NSMCE2: variants seen among roughly 807,000 people sequenced by gnomAD.
The protein encoded by NSMCE2 is E3 SUMO-protein ligase NSE2.
A neutral mutation model predicts 23.8 loss-of-function variants in NSMCE2; 24 were observed. That is an observed-to-expected ratio of 1.01 (90% CI 0.73 to 1.42). The LOEUF is 1.42. Among genes scored for constraint, NSMCE2 ranks in the 40% most tolerant of loss-of-function variants. The pLI, the probability that NSMCE2 is intolerant of heterozygous loss-of-function variation, is 0.00. For missense variants in NSMCE2, 284 were observed against 296.5 expected, an observed-to-expected ratio of 0.96 and a Z score of 0.31; for synonymous variants, 92 against 94.1, an observed-to-expected ratio of 0.98 and a Z score of 0.13.
intron 5 of NSMCE2, among the ~76,000 whole-genome samples, chr8:125,272,265 C>T (rs62529123): frequency 0.025 from 3,857 of 152,094 alleles, 80 homozygotes; most frequent in Non-Finnish European, 0.039. Flanking sequence ...CCGCCCGCCT[C>T]AGCCTCCCAA....
chr8:125,200,226 C>A (rs1004535106), intron 5 of NSMCE2, among the ~76,000 whole-genome samples: 1 of 152,140 alleles, frequency 6.6e-6, no homozygotes, highest in Non-Finnish European at 1.5e-5. Context: ...ATGATGTTAG[C>A]TGGTTATTTT....
chr8:125,113,225 C>T (rs943805336), intron 3 of NSMCE2, among the ~76,000 whole-genome samples: 4 of 152,128 alleles, frequency 2.6e-5, no homozygotes, highest in East Asian at 1.9e-4. Context: ...TGGTGGCTCA[C>T]ACCTGTAATC....
intron 5 of NSMCE2, among the ~76,000 whole-genome samples, chr8:125,350,889 T>C (rs1219736709): frequency 6.6e-6 from 1 of 151,982 alleles, no homozygotes; most frequent in East Asian, 1.9e-4. Context: ...GAGGCAGACA[T>C]GGGAGGTTGT....
intron 5 of NSMCE2, among the ~76,000 whole-genome samples, chr8:125,237,980 A>T (rs2130968179): frequency 6.6e-6 from 1 of 152,192 alleles, no homozygotes; most frequent in Middle Eastern, 3.4e-3. Context: ...TATCTGATTG[A>T]TTTTGCAAAT....
intron 5 of NSMCE2, among the ~76,000 whole-genome samples, chr8:125,352,692 T>C (rs906628493): frequency 6.6e-6 from 1 of 152,200 alleles, no homozygotes; most frequent in South Asian, 2.1e-4. Flanking sequence ...TTAAAACTTC[T>C]GTGATTCTAG....
chr8:125,320,609 G>GA (rs1829414009), intron 5 of NSMCE2, among the ~76,000 whole-genome samples: 1 of 151,796 alleles, frequency 6.6e-6, no homozygotes, highest in Non-Finnish European at 1.5e-5. Context: ...CTGAAAGGAA[G>GA]AAAAAACTTT....
At chr8:125,185,919 G>A (rs192717193) in intron 5 of NSMCE2, among the ~76,000 whole-genome samples, 21 of 152,146 alleles carry the variant, frequency 1.4e-4, no homozygotes, top group African/African-American at 4.6e-4. Flanking sequence ...TTTTGTTGAC[G>A]TACACAAAGA....
chr8:125,202,671 A>G (rs1320361430), intron 5 of NSMCE2, among the ~76,000 whole-genome samples: 2 of 152,212 alleles, frequency 1.3e-5, no homozygotes, highest in Non-Finnish European at 2.9e-5. Flanking sequence ...TAGTTACCTG[A>G]TATTTTTGAA....
chr8:125,288,495 TC>T (rs1827983497), intron 5 of NSMCE2, among the ~76,000 whole-genome samples: 1 of 152,214 alleles, frequency 6.6e-6, no homozygotes, highest in Non-Finnish European at 1.5e-5. Flanking sequence ...TGCCTATATC[TC>T]CTCAAATTCC....
chr8:125,217,461 T>G (rs2384871), intron 5 of NSMCE2, among the ~76,000 whole-genome samples: 1 of 152,040 alleles, frequency 6.6e-6, no homozygotes, highest in African/African-American at 2.4e-5. Flanking sequence ...CCCAGGTTCA[T>G]GCCATTCTCC....
At chr8:125,192,684 C>T (rs1823410943) in intron 5 of NSMCE2, among the ~76,000 whole-genome samples, 1 of 152,120 alleles carries the variant, frequency 6.6e-6, no homozygotes, top group Non-Finnish European at 1.5e-5. Context: ...ATTTTAGGAG[C>T]ATTAATGTGG....
intron 5 of NSMCE2, among the ~76,000 whole-genome samples, chr8:125,223,108 G>A (rs1012421042): frequency 1.9e-4 from 28 of 151,082 alleles, no homozygotes; most frequent in Admixed American, 1.8e-3. Flanking sequence ...GCTCACACCT[G>A]TAATACCAGC....
intron 5 of NSMCE2, among the ~76,000 whole-genome samples, chr8:125,241,488 G>T (rs1227698820): frequency 1.3e-5 from 2 of 152,236 alleles, no homozygotes; most frequent in South Asian, 4.1e-4. Flanking sequence ...TTATATCTGG[G>T]TCGTTTGTTT....
intron 5 of NSMCE2, among the ~76,000 whole-genome samples, chr8:125,272,792 T>C (rs4339663): frequency 0.84 from 117,873 of 140,250 alleles, 50,473 homozygotes; most frequent in Middle Eastern, 0.91. Flanking sequence ...TATATACACA[T>C]GTGTATATAT....
chr8:125,162,270 A>G (rs947776853), intron 4 of NSMCE2, among the ~76,000 whole-genome samples: 3 of 152,230 alleles, frequency 2.0e-5, no homozygotes, highest in Non-Finnish European at 4.4e-5. Flanking sequence ...AAAACATCAT[A>G]TGCTCAATTT....
chr8:125,095,406 C>T (rs1817880284), intron 1 of NSMCE2, among the ~76,000 whole-genome samples: 1 of 151,132 alleles, frequency 6.6e-6, no homozygotes, highest in Non-Finnish European at 1.5e-5. Flanking sequence ...TTGGGCAACA[C>T]AGGGAGATGG....
intron 5 of NSMCE2, among the ~76,000 whole-genome samples, chr8:125,210,575 T>G (rs1824286665): frequency 6.6e-6 from 1 of 152,178 alleles, no homozygotes. Flanking sequence ...ACAATGTTAG[T>G]CTCTTTCTCT....
intron 3 of NSMCE2, among the ~76,000 whole-genome samples, chr8:125,111,704 G>A (rs1428670742): frequency 1.3e-5 from 2 of 152,090 alleles, no homozygotes; most frequent in Admixed American, 1.3e-4. Context: ...GGAGGCTAAG[G>A]CACAAGAATT....
chr8:125,177,622 A>G (rs907219109), intron 4 of NSMCE2, among the ~76,000 whole-genome samples: 2 of 152,356 alleles, frequency 1.3e-5, no homozygotes, highest in African/African-American at 4.8e-5. Flanking sequence ...GAGAAGCTTC[A>G]TGGAGCCATA....
Sources: gnomAD v4.1 joint callset for allele counts (sites outside exome capture counted in the v4.1 genomes callset) on GRCh38, gnomAD v4.1.1 for gene constraint, MANE v1.5 for transcripts, NCBI Gene and HGNC (gene_info 2026-07-23, HGNC 2026-07-21) for gene names.